Variants in XKR6 observed in about 807,000 individuals in gnomAD.
XKR6 encodes the protein XK-related protein 6.
Under a neutral mutation model 56.7 loss-of-function variants are expected in XKR6, and 22 were observed. That is an observed-to-expected ratio of 0.39 (90% confidence interval 0.28 to 0.55). The LOEUF (loss-of-function observed/expected upper bound fraction) is 0.55. XKR6 is among the 20% of genes least tolerant of loss of function. The pLI, the probability that XKR6 is intolerant of heterozygous loss-of-function variation, is 0.66. For synonymous variants in XKR6, 524 were observed against 387.8 expected (o/e 1.35, Z -4.13); for missense variants, 852 against 889.0 (o/e 0.96, Z 0.53).
chr8:11,105,851 G>A (rs1171492611), intron 1 of XKR6: 3 of 152,068 alleles, frequency 2.0e-5, no homozygotes, highest in South Asian at 2.1e-4. Flanking sequence ...TTTCATACAT[G>A]GAACACAAAC....
intron 1 of XKR6, among the ~76,000 whole-genome samples, chr8:11,072,439 A>G (rs905338993): frequency 8.5e-5 from 13 of 152,138 alleles, no homozygotes; most frequent in Non-Finnish European, 1.5e-4. Flanking sequence ...CTGTTTTGGT[A>G]AGGTCTGTTG....
chr8:11,132,190 T>A (rs1800136785), intron 1 of XKR6, among the ~76,000 whole-genome samples: 1 of 152,058 alleles, frequency 6.6e-6, no homozygotes, highest in Non-Finnish European at 1.5e-5. Context: ...CCTGATCTCA[T>A]AAAATCAAGT....
intron 1 of XKR6, among the ~76,000 whole-genome samples, chr8:11,198,270 G>GT (rs1026524120): frequency 1.3e-5 from 2 of 152,144 alleles, no homozygotes; most frequent in African/African-American, 4.8e-5. Context: ...TGTTCCTGCA[G>GT]TATTTCAAGC....
At chr8:10,905,222 C>G (rs1346736104) in intron 2 of XKR6, among the ~76,000 whole-genome samples, 1 of 152,210 alleles carries the variant, frequency 6.6e-6, no homozygotes, top group Admixed American at 6.5e-5. Context: ...CCTCCTCACT[C>G]TCCCACCACC....
intron 1 of XKR6, among the ~76,000 whole-genome samples, chr8:11,091,617 G>A (rs1798077258): frequency 6.6e-6 from 1 of 152,192 alleles, no homozygotes; most frequent in Admixed American, 6.5e-5. Flanking sequence ...GGAGGAGGCA[G>A]TGGGAGTTGG....
intron 1 of XKR6, among the ~76,000 whole-genome samples, chr8:11,027,748 G>A (rs986794472): frequency 2.0e-5 from 3 of 152,186 alleles, no homozygotes; most frequent in African/African-American, 7.2e-5. Flanking sequence ...AGAACAGAAG[G>A]AGAGTAGGTA....
chr8:11,133,952 C>G (rs542335296), intron 1 of XKR6, among the ~76,000 whole-genome samples: 21 of 152,294 alleles, frequency 1.4e-4, no homozygotes, highest in African/African-American at 4.6e-4. Flanking sequence ...GAGCTGGTCT[C>G]TTATGTTTTT....
At chr8:11,134,702 A>G (rs1234177098) in intron 1 of XKR6, among the ~76,000 whole-genome samples, 1 of 152,090 alleles carries the variant, frequency 6.6e-6, no homozygotes, top group East Asian at 1.9e-4. Context: ...ACACACGCAC[A>G]CACACACACA....
chr8:11,146,486 G>A (rs1040542671), intron 1 of XKR6, among the ~76,000 whole-genome samples: 1 of 152,132 alleles, frequency 6.6e-6, no homozygotes, highest in South Asian at 2.1e-4. Flanking sequence ...AAAATTAGAT[G>A]AGCATGGTGG....
intron 1 of XKR6, among the ~76,000 whole-genome samples, chr8:11,016,241 G>A (rs1001802736): frequency 1.3e-5 from 2 of 152,184 alleles, no homozygotes; most frequent in South Asian, 2.1e-4. Context: ...CCCTGACGCG[G>A]AGGTTGGCCG....
intron 1 of XKR6, among the ~76,000 whole-genome samples, chr8:11,156,968 C>T (rs986210159): frequency 1.3e-5 from 2 of 152,144 alleles, no homozygotes; most frequent in African/African-American, 4.8e-5. Context: ...AGGATTTTAA[C>T]CAAGTGACGG....
chr8:10,943,639 G>A (rs913538967), intron 1 of XKR6, among the ~76,000 whole-genome samples: 45 of 152,192 alleles, frequency 3.0e-4, no homozygotes, highest in Non-Finnish European at 4.1e-4. Context: ...CAGGCACAAT[G>A]GAAGTGCTCT....
chr8:11,048,080 G>A (rs973100641), intron 1 of XKR6, among the ~76,000 whole-genome samples: 4 of 152,110 alleles, frequency 2.6e-5, no homozygotes, highest in African/African-American at 7.2e-5. Context: ...ATAACAAGGG[G>A]ACTGTCTGTA....
intron 1 of XKR6, among the ~76,000 whole-genome samples, chr8:11,170,412 A>G (rs2117043732): frequency 6.6e-6 from 1 of 152,358 alleles, no homozygotes; most frequent in South Asian, 2.1e-4. Context: ...CCATGGATGA[A>G]CCTTGTAACA....
chr8:10,943,008 G>T (rs1034309714), intron 1 of XKR6, among the ~76,000 whole-genome samples: 1 of 152,218 alleles, frequency 6.6e-6, no homozygotes, highest in Non-Finnish European at 1.5e-5. Flanking sequence ...ATGGCTCAAA[G>T]GAGGGGCCAG....
At position 11,140,594 on chromosome 8, in the gene XKR6, G is replaced by A. The variant is rs528012164; in HGVS notation, c.764+59982C>T. 9.0e-4 allele frequency among the ~76,000 whole-genome samples: 137 copies of A among 152,266 alleles called. 1 individual carries two copies. The highest frequency in any genetic ancestry group is 1.9e-3 in the South Asian group (9 of 4,816). On this transcript the variant is annotated intron_variant, in intron 1 of 2. Coordinates refer to ENST00000416569, the MANE Select transcript of XKR6 (RefSeq NM_173683.4). ...ATCACTAGACAAGGATTCAAGATAT[G>A]TTGTTCTTAAGAACCCTTCCTGGCC...
intron 1 of XKR6, among the ~76,000 whole-genome samples, chr8:11,142,767 C>T (rs1800772563): frequency 6.6e-6 from 1 of 152,134 alleles, no homozygotes; most frequent in African/African-American, 2.4e-5. Flanking sequence ...TTAGAAATAC[C>T]CCATCTCAGG....
chr8:11,008,135 T>G (rs553591472), intron 1 of XKR6, among the ~76,000 whole-genome samples: 6 of 152,182 alleles, frequency 3.9e-5, no homozygotes, highest in Non-Finnish European at 2.9e-5. Context: ...CCTTTTACTC[T>G]CACGATGCCC....
chr8:11,093,941 G>C (rs1018204869), intron 1 of XKR6, among the ~76,000 whole-genome samples: 2 of 151,784 alleles, frequency 1.3e-5, no homozygotes, highest in Non-Finnish European at 2.9e-5. Context: ...CCGCCACCAC[G>C]CCAGACTAAT....
Sources: gnomAD v4.1 joint callset for allele counts (sites outside exome capture counted in the v4.1 genomes callset) on GRCh38, gnomAD v4.1.1 for gene constraint, MANE v1.5 for transcripts, NCBI Gene and HGNC (gene_info 2026-07-23, HGNC 2026-07-21) for gene names.